Variants in IQSEC2 observed in about 807,000 individuals in gnomAD.
IQSEC2 encodes the protein IQ motif and Sec7 domain ArfGEF 2.
IQSEC2 carries 6 observed loss-of-function variants against 74.6 expected under a neutral mutation model. The ratio of observed to expected loss-of-function variants is 0.08; its 90% CI spans 0.04 to 0.16. The LOEUF is 0.16. Among genes scored for constraint, IQSEC2 ranks in the 10% least tolerant of loss-of-function variants. The pLI is 1.00. For missense variants in IQSEC2, 734 were observed against 1,306.2 expected (o/e 0.56, Z 6.75); for synonymous variants, 494 against 544.5 (o/e 0.91, Z 1.29).
At chrX:53,318,362 T>TG (rs1200692779) in intron 1 of IQSEC2, among the ~76,000 whole-genome samples, 32 of 111,794 alleles carry the variant, frequency 2.9e-4, no homozygotes, top group African/African-American at 6.5e-4. Context: ...ACAAGCAACC[T>TG]GGGGGGGTTC....
At chrX:53,292,136 C>A (rs1349375277) in intron 1 of IQSEC2, among the ~76,000 whole-genome samples, 5 of 111,546 alleles carry the variant, frequency 4.5e-5, no homozygotes, top group African/African-American at 9.8e-5. Flanking sequence ...GAGAGGAAGA[C>A]GGTGGTGCTG....
intron 4 of IQSEC2, among the ~76,000 whole-genome samples, chrX:53,253,786 G>T (rs906036571): frequency 4.5e-5 from 5 of 111,289 alleles, no homozygotes; most frequent in African/African-American, 1.6e-4. Flanking sequence ...CCAATTCCAG[G>T]TCCTTAGCCT....
At chrX:53,239,815 C>T (rs1226167571) in intron 10 of IQSEC2, among the ~76,000 whole-genome samples, 1 of 112,018 alleles carries the variant, frequency 8.9e-6, no homozygotes, top group Non-Finnish European at 1.9e-5. Flanking sequence ...ATATCTTTGT[C>T]GAGTACTTGG....
intron 2 of IQSEC2, among the ~76,000 whole-genome samples, chrX:53,287,588 G>A (rs2075045690): frequency 8.8e-6 from 1 of 113,047 alleles, no homozygotes; most frequent in Admixed American, 9.3e-5. Context: ...AAACACAGAG[G>A]TGCTGCCCGT....
At chrX:53,253,625 G>T (rs2074422492) in intron 4 of IQSEC2, among the ~76,000 whole-genome samples, 1 of 112,240 alleles carries the variant, frequency 8.9e-6, no homozygotes, top group South Asian at 3.7e-4. Flanking sequence ...TCTCCCAGAA[G>T]AAAGTTTCCT....
intron 1 of IQSEC2, among the ~76,000 whole-genome samples, chrX:53,303,085 C>A (rs1459650700): frequency 9.1e-6 from 1 of 109,950 alleles, no homozygotes; most frequent in African/African-American, 3.3e-5. Context: ...TGCCTGTGGT[C>A]CCAGCTACTT....
At chrX:53,264,336 C>T (rs1556867182) in intron 2 of IQSEC2, among the ~76,000 whole-genome samples, 6 of 109,544 alleles carry the variant, frequency 5.5e-5, no homozygotes, top group Non-Finnish European at 1.1e-4. Flanking sequence ...GATCAAAACC[C>T]CACCCCCTTC....
chrX:53,237,235 C>T (rs1408263365), intron 12 of IQSEC2, among the ~76,000 whole-genome samples: 2 of 111,630 alleles, frequency 1.8e-5, no homozygotes, highest in Non-Finnish European at 3.8e-5. Flanking sequence ...TTGGGTGCTT[C>T]CGGCCTCCTA....
intron 1 of IQSEC2, among the ~76,000 whole-genome samples, chrX:53,320,081 C>CA (rs2075414576): frequency 1.8e-5 from 2 of 111,632 alleles, no homozygotes; most frequent in African/African-American, 6.5e-5. Context: ...TTCCAACCAG[C>CA]ATACCCAAAA....
intron 2 of IQSEC2, among the ~76,000 whole-genome samples, chrX:53,261,941 A>T (rs782810632): frequency 2.7e-5 from 3 of 111,938 alleles, no homozygotes; most frequent in Non-Finnish European, 5.6e-5. Flanking sequence ...ACATTATTTA[A>T]TCTGCATGGC....
intron 2 of IQSEC2, among the ~76,000 whole-genome samples, chrX:53,263,611 A>G (rs1032657809): frequency 2.1e-4 from 23 of 108,119 alleles, no homozygotes; most frequent in Non-Finnish European, 1.3e-4. Flanking sequence ...TTCTGCCCAG[A>G]ATGTCTTCTG....
At position 53,309,666 on chromosome X, in the gene IQSEC2, C is replaced by T. The variant is rs190830778; in HGVS notation, c.707+10751G>A. On this transcript the variant is annotated intron_variant, in intron 1 of 14. Transcript: ENST00000642864. Reference sequence around the variant, plus strand: ...TCTGGTCCTCTTCAAATCCCACCATCGCCAGTCCAGCCTCTTCAGCCTTAC... The same window carrying T: ...TCTGGTCCTCTTCAAATCCCACCATTGCCAGTCCAGCCTCTTCAGCCTTAC... 2.2e-4 allele frequency among the ~76,000 whole-genome samples: 25 copies of T among 112,390 alleles called. No homozygotes were observed. The East Asian group carries it at 6.4e-3, about 29-fold the overall frequency.
chrX:53,283,777 G>A (rs2074999056), intron 2 of IQSEC2, among the ~76,000 whole-genome samples: 2 of 111,990 alleles, frequency 1.8e-5, no homozygotes, highest in African/African-American at 3.2e-5. Context: ...CACTGTCCCC[G>A]GTGCTGGATA....
rs909745237 is a variant in IQSEC2, at chrX:53,254,394, C to T, written c.1401+136G>A. ...TTCTTTCTCATTATTCTCACAGTCC[C>T]AACTCAAATGGTAGCTATTTGCTGT... is the stretch of plus-strand genomic sequence containing the variant. On this transcript the variant is annotated intron_variant, in intron 4 of 14. Coordinates refer to ENST00000642864, the MANE Select transcript of IQSEC2 (RefSeq NM_001111125.3). 1.6e-4 allele frequency: 84 copies of T among 523,443 alleles called. 1 individual carries two copies. In the East Asian group the frequency reaches 2.9e-3, roughly 18 times the overall value. The allele number at this position is 523,443 out of a possible 1,213,427, so 43.1% of individuals were successfully genotyped here.
intron 8 of IQSEC2, among the ~76,000 whole-genome samples, chrX:53,244,906 C>T (rs2074279055): frequency 9.0e-6 from 1 of 110,717 alleles, no homozygotes; most frequent in African/African-American, 3.3e-5. Flanking sequence ...CATTTATTTG[C>T]TTATTTATTT....
At chrX:53,261,299 G>A (rs2074564742) in intron 2 of IQSEC2, among the ~76,000 whole-genome samples, 1 of 110,857 alleles carries the variant, frequency 9.0e-6, no homozygotes, top group African/African-American at 3.3e-5. Context: ...GGCAGGCCAA[G>A]GCTCAGGTCC....
At chrX:53,242,394 A>C (rs1322150021) in intron 9 of IQSEC2, among the ~76,000 whole-genome samples, 1 of 87,704 alleles carries the variant, frequency 1.1e-5, no homozygotes, top group Non-Finnish European at 2.1e-5. Context: ...AGATCATGCC[A>C]CTCCACTCCA....
At chrX:53,300,785 C>A (rs1373138625) in intron 1 of IQSEC2, among the ~76,000 whole-genome samples, 1 of 111,263 alleles carries the variant, frequency 9.0e-6, no homozygotes, top group Non-Finnish European at 1.9e-5. Flanking sequence ...TGATTTAAAC[C>A]AGTGAAAAAA....
chrX:53,316,831 CA>C lies in IQSEC2; in HGVS notation c.707+3585del, dbSNP rs376964568. On this transcript the variant is annotated intron_variant, in intron 1 of 14. Transcript: ENST00000642864. Reference sequence around the variant, plus strand: ...CCCTGTCCCAAAAACAAACCAAAACCAAAAAAAAAAAAAAAAGAAAAAGAAA... The same window carrying C: ...CCCTGTCCCAAAAACAAACCAAAACCAAAAAAAAAAAAAAAGAAAAAGAAA... 5.6e-3 allele frequency among the ~76,000 whole-genome samples: 408 copies of C among 73,068 alleles called. 1 individual carries two copies. Among genetic ancestry groups the C allele is most frequent in the Non-Finnish European group, 7.5e-3 (271 of 36,097 alleles). The allele number at this position is 73,068 out of a possible 115,157, so 63.5% of individuals were successfully genotyped here.
Sources: allele counts gnomAD v4.1 joint callset (sites outside exome capture counted in the v4.1 genomes callset), GRCh38; gene constraint gnomAD v4.1.1; transcripts MANE v1.5; gene names NCBI Gene and HGNC (gene_info 2026-07-23, HGNC 2026-07-21).